Variants in NFKB1 observed in about 807,000 individuals in gnomAD.
NFKB1 encodes nuclear factor NF-kappa-B p105 subunit.
In NFKB1, 9 loss-of-function variants were observed where a neutral mutation model predicts 105.1. The ratio of observed to expected loss-of-function variants is 0.09; its 90% confidence interval spans 0.05 to 0.15. NFKB1 has a LOEUF of 0.15. Ranked by LOEUF, NFKB1 falls within the 10% of genes least tolerant of loss-of-function variation. The probability of loss-of-function intolerance (pLI) is 1.00; values close to 1 mark genes in which losing one functional copy is unlikely to be tolerated. For missense variants in NFKB1, 830 were observed against 1,203.7 expected (o/e 0.69, Z 4.59); for synonymous variants, 440 against 442.2 (o/e 1.00, Z 0.06).
At chr4:102,551,361 T>C (rs1265120507) in intron 5 of NFKB1, among the ~76,000 whole-genome samples, 2 of 75,364 alleles carry the variant, frequency 2.7e-5, no homozygotes, top group Non-Finnish European at 5.5e-5. Flanking sequence ...TGTGTGTGTG[T>C]GTGTGTGCGC....
At chr4:102,505,115 C>T (rs1464519230) in intron 1 of NFKB1, among the ~76,000 whole-genome samples, 3 of 152,158 alleles carry the variant, frequency 2.0e-5, no homozygotes, top group Non-Finnish European at 4.4e-5. Context: ...AATTAATATA[C>T]TGTCTTTTAC....
intron 1 of NFKB1, chr4:102,511,049 A>C (rs983403561): frequency 2.0e-5 from 15 of 764,986 alleles, no homozygotes; most frequent in Non-Finnish European, 2.5e-5. Context: ...TGTTTATAGA[A>C]GCTCTTCCAT....
chr4:102,557,414 C>T lies in NFKB1; in HGVS notation c.259-9573C>T, dbSNP rs532546469. Among the ~76,000 whole-genome samples, 5 of 152,258 alleles carry T rather than the reference C, an allele frequency of 3.3e-5. No individual in the cohort carries two copies. In the East Asian group the frequency reaches 9.7e-4, roughly 29 times the overall value. ...GGTCATGGGAGCCCAGATTCAGAGC[C>T]AGCTATGTCTTACTCCAAAGCCTGT... On this transcript the variant is annotated intron_variant, in intron 5 of 23. Coordinates refer to ENST00000226574, the MANE Select transcript of NFKB1 (RefSeq NM_003998.4).
rs1578828540 is a variant in NFKB1 at position 102,607,411 on chromosome 4, C to T, written c.2124+92C>T. The T allele has an allele frequency of 2.2e-6, 3 of 1,361,378 alleles. No homozygotes were observed. In the East Asian group the frequency reaches 6.9e-5, roughly 31 times the overall value. 84.3% of individuals were successfully genotyped at this position (1,361,378 alleles called of 1,614,324 possible). A position where few individuals can be genotyped will look rare whatever the true frequency, so the allele number is the denominator to read the frequency against. ...GAAGGAAGTCAGTAGCTGCTGTTCT[C>T]CCTTACAATCAGCTCTATTTGTTTA... On this transcript the variant is annotated intron_variant, in intron 18 of 23. Coordinates refer to ENST00000226574, the MANE Select transcript of NFKB1 (RefSeq NM_003998.4).
At chr4:102,586,105 C>T in intron 11 of NFKB1, among the ~76,000 whole-genome samples, 1 of 152,080 alleles carries the variant, frequency 6.6e-6, no homozygotes, top group South Asian at 2.1e-4. Context: ...GATGATGAGT[C>T]AGAAGAGTAA....
At position 102,576,869 on chromosome 4, in the gene NFKB1, T is replaced by G; in HGVS notation, c.408-7T>G. On this transcript the variant is annotated splice_polypyrimidine_tract_variant and splice_region_variant and intron_variant, in intron 6 of 23. Transcript: ENST00000226574. Reference sequence around the variant, plus strand: ...TGTTGCTGCTGCTGTTACTGTTTTTTCTCCAGCTTCGCAAACCTGGGTATA... The same window carrying G: ...TGTTGCTGCTGCTGTTACTGTTTTTGCTCCAGCTTCGCAAACCTGGGTATA... The G allele has an allele frequency of 1.2e-6, 2 of 1,602,820 alleles. No individual in the cohort carries two copies.
chr4:102,610,480 C>T (rs1232013620), intron 19 of NFKB1, 95 bp from the exon 20 acceptor site: 41 of 1,348,862 alleles, frequency 3.0e-5, no homozygotes, highest in Non-Finnish European at 4.0e-5. Flanking sequence ...CCTCAAGCTG[C>T]TACATTGCTT....
At chr4:102,608,940 C>T (rs1178541442) in intron 19 of NFKB1, among the ~76,000 whole-genome samples, 2 of 151,706 alleles carry the variant, frequency 1.3e-5, no homozygotes, top group African/African-American at 4.8e-5. Flanking sequence ...GTCACTTGCA[C>T]TAGGAGTGTG....
chr4:102,548,249 T>C (rs1722288986), intron 5 of NFKB1, among the ~76,000 whole-genome samples: 1 of 152,022 alleles, frequency 6.6e-6, no homozygotes, highest in South Asian at 2.1e-4. Context: ...CAAGCAGGTA[T>C]GAGTTCCAGG....
chr4:102,503,062 T>G (rs910608304), intron 1 of NFKB1, among the ~76,000 whole-genome samples: 41 of 152,332 alleles, frequency 2.7e-4, no homozygotes, highest in African/African-American at 9.4e-4. Flanking sequence ...CTGATTTTAA[T>G]ATTGTGCTTT....
intron 23 of NFKB1, among the ~76,000 whole-genome samples, chr4:102,615,408 C>T (rs1728853803): frequency 6.6e-6 from 1 of 152,180 alleles, no homozygotes; most frequent in Admixed American, 6.5e-5. Flanking sequence ...AATTGGCTGG[C>T]TCTTTCTTGC....
At chr4:102,508,867 ATG>A (rs899592074) in intron 1 of NFKB1, among the ~76,000 whole-genome samples, 5 of 152,212 alleles carry the variant, frequency 3.3e-5, no homozygotes, top group Non-Finnish European at 5.9e-5. Context: ...TAGAAAGTGA[ATG>A]AGAATTATAA....
At chr4:102,520,511 G>T (rs886207171) in intron 1 of NFKB1, among the ~76,000 whole-genome samples, 1 of 152,032 alleles carries the variant, frequency 6.6e-6, no homozygotes, top group African/African-American at 2.4e-5. Flanking sequence ...CAATGTATTT[G>T]GTATATCAGG....
intron 11 of NFKB1, among the ~76,000 whole-genome samples, chr4:102,589,258 T>C (rs1177475695): frequency 2.6e-5 from 4 of 152,364 alleles, no homozygotes; most frequent in African/African-American, 9.6e-5. Flanking sequence ...ATAACATTTA[T>C]TTCTGAAGAT....
At chr4:102,549,568 G>A (rs539288083) in intron 5 of NFKB1, among the ~76,000 whole-genome samples, 1 of 151,482 alleles carries the variant, frequency 6.6e-6, no homozygotes, top group Non-Finnish European at 1.5e-5. Context: ...TATATATATG[G>A]GGGGAGGGGT....
chr4:102,607,377 C>G (rs1727867458), intron 18 of NFKB1, 58 bp downstream of exon 18: 4 of 1,568,918 alleles, frequency 2.5e-6, no homozygotes, highest in Non-Finnish European at 2.6e-6. Flanking sequence ...TTAAGGAAAT[C>G]TTTTCAAAGA....
rs545799790 is a variant in NFKB1 at position 102,596,129 on chromosome 4, T to G, written c.1301-9T>G. The stretch of plus-strand genomic sequence containing the variant: ...TGAGAAAAATCTGATGTTTTTGCAT[T>G]TATCTTAGGAACCATGGACACTGAA... On this transcript the variant is annotated splice_polypyrimidine_tract_variant and intron_variant, in intron 13 of 23. Coordinates refer to ENST00000226574, the MANE Select transcript of NFKB1 (RefSeq NM_003998.4). 6.6e-7 allele frequency: 1 copy of G among 1,509,616 alleles called. No homozygotes were observed. The highest frequency in any genetic ancestry group is 2.3e-5 in the East Asian group (1 of 43,844). The allele number at this position is 1,509,616 out of a possible 1,614,324, so 93.5% of individuals were successfully genotyped here.
At chr4:102,586,499 A>G (rs1725723300) in intron 11 of NFKB1, among the ~76,000 whole-genome samples, 1 of 152,198 alleles carries the variant, frequency 6.6e-6, no homozygotes, top group Non-Finnish European at 1.5e-5. Flanking sequence ...CATTAGAATC[A>G]TCTCAAAACG....
intron 1 of NFKB1, among the ~76,000 whole-genome samples, chr4:102,524,575 C>T (rs1326284263): frequency 1.3e-5 from 2 of 152,072 alleles, no homozygotes; most frequent in Non-Finnish European, 2.9e-5. Context: ...ATATATTGTG[C>T]ACTTTATTTC....
Sources: gnomAD v4.1 joint callset for allele counts (sites outside exome capture counted in the v4.1 genomes callset) on GRCh38, gnomAD v4.1.1 for gene constraint, MANE v1.5 for transcripts, NCBI Gene and HGNC (gene_info 2026-07-23, HGNC 2026-07-21) for gene names.